TNC: variants seen among roughly 807,000 people sequenced by gnomAD.
TNC encodes tenascin.
TNC carries 109 observed loss-of-function variants against 202.4 expected under a neutral mutation model. The observed-to-expected ratio is 0.54, with a 90% CI of 0.46 to 0.63. The LOEUF (loss-of-function observed/expected upper bound fraction) is 0.63, where lower values mean the gene tolerates loss of function less well. Among genes scored for constraint, TNC ranks in the 30% least tolerant of loss-of-function variants. The pLI is 0.00. For missense variants in TNC, 2,756 were observed against 2,833.3 expected (o/e 0.97, Z 0.62); for synonymous variants, 1,007 against 1,089.7 (o/e 0.92, Z 1.50).
chr9:115,036,100 GT>G lies in TNC; in HGVS notation c.5653del (p.Thr1885GlnfsTer9), dbSNP rs1409076559. 1 of 1,614,050 alleles carries G rather than the reference GT, an allele frequency of 6.2e-7. No homozygotes were observed. The highest frequency in any genetic ancestry group is 8.5e-7 in the Non-Finnish European group (1 of 1,180,006). On this transcript the variant is annotated frameshift_variant, in exon 21 of 28. Transcript: ENST00000350763. LOFTEE classifies it high-confidence loss of function. Reference sequence around the variant, plus strand: ...TCCAGCTCTCAGTGTCTTTGTACCTGTTGTGAACTTGGCAGTGATGGTTGAG... The same window carrying G: ...TCCAGCTCTCAGTGTCTTTGTACCTGTGTGAACTTGGCAGTGATGGTTGAG... The part of the protein sequence containing the change: ...KSSTITAKFT[T>X]DLDSPRDLTA...
intron 15 of TNC, chr9:115,055,386 T>C (rs1832032545): frequency 6.6e-6 from 1 of 152,524 alleles, no homozygotes; most frequent in African/African-American, 2.4e-5. Context: ...TGGGAGCAAC[T>C]AGGAGGGTGA....
Position 115,085,857 on chromosome 9 carries a change from C to T in TNC, c.1867+7G>A. ...CATTATATGCTGGTCTGCGCCCTGG[C>T]ACTCACCCTCTGAGCAGTCTTCTCC... On this transcript the variant is annotated splice_region_variant and intron_variant, in intron 3 of 27. Coordinates refer to ENST00000350763, the MANE Select transcript of TNC (RefSeq NM_002160.4). 6.3e-7 allele frequency: 1 copy of T among 1,597,930 alleles called. No homozygotes were observed. The highest frequency in any genetic ancestry group is 1.7e-4 in the Middle Eastern group (1 of 6,006).
chr9:115,047,805 C>T (rs896972281), intron 16 of TNC, among the ~76,000 whole-genome samples: 1 of 152,128 alleles, frequency 6.6e-6, no homozygotes, highest in Non-Finnish European at 1.5e-5. Flanking sequence ...AAAATAAGTT[C>T]ACATTTGGTT....
intron 17 of TNC, among the ~76,000 whole-genome samples, chr9:115,043,113 A>G (rs988195966): frequency 4.6e-5 from 7 of 151,962 alleles, no homozygotes; most frequent in African/African-American, 1.5e-4. Context: ...TTCTCTGTGT[A>G]TTTTTTGGCT....
At position 115,086,708 on chromosome 9, in the gene TNC, G is replaced by A. The variant is rs139641638; in HGVS notation, c.1023C>T (p.Cys341=). 9.5e-5 allele frequency: 153 copies of A among 1,614,002 alleles called. No individual in the cohort carries two copies. In the East Asian group the frequency reaches 1.7e-3, roughly 18 times the overall value. Residue 341 remains cysteine (C), a synonymous_variant, in exon 3 of 28, where the codon TGC becomes TGT. Transcript: ENST00000350763. ...AGGCATGTGGGCAGGTGGGTTTCCC[G>A]CAGTCTTCACCTGTGAAGCCTTCTT... ...YCEEGFTGED[C]GKPTCPHACH...
At chr9:115,066,713 T>C (rs2132738201) in intron 10 of TNC, among the ~76,000 whole-genome samples, 1 of 152,324 alleles carries the variant, frequency 6.6e-6, no homozygotes, top group African/African-American at 2.4e-5. Flanking sequence ...CTTTTTTACA[T>C]GGTCGGGAAA....
At chr9:115,061,880 T>C (rs1348487491) in intron 13 of TNC, among the ~76,000 whole-genome samples, 5 of 152,208 alleles carry the variant, frequency 3.3e-5, no homozygotes, top group Non-Finnish European at 7.3e-5. Flanking sequence ...CTTCCCAAAT[T>C]GAATGAAAAG....
At chr9:115,034,111 A>T (rs545301870) in intron 22 of TNC, among the ~76,000 whole-genome samples, 5 of 152,218 alleles carry the variant, frequency 3.3e-5, no homozygotes, top group South Asian at 2.1e-4. Flanking sequence ...TTCAGATGGT[A>T]GGCTGAGGTT....
In TNC at chr9:115,024,088, T is replaced by A. The variant is rs1318296735; in HGVS notation, c.6380A>T (p.Lys2127Met). ...GTTGGTGATGGCTGAATCTGTGTCC[T>A]TGTCAAAGGTGGAGAAGGATCTGCC... ...HNGRSFSTFD[K>M]DTDSAITNCA... Residue 2127 changes from lysine (K) to methionine (M), a missense_variant, in exon 27 of 28, where the codon AAG becomes ATG. Lys to Met is a moderately conservative substitution (Grantham distance 95, BLOSUM62 -1). Transcript: ENST00000350763. The A allele has an allele frequency of 6.2e-7, 1 of 1,613,994 alleles. No individual in the cohort carries two copies. Among genetic ancestry groups the A allele is most frequent in the East Asian group, 2.2e-5 (1 of 44,894 alleles).
rs562682904 is a variant in TNC, at chr9:115,024,274, A to G, written c.6332-138T>C. The G allele has an allele frequency of 2.0e-4, 167 of 822,566 alleles. No homozygotes were observed. In the African/African-American group the frequency reaches 2.5e-3, roughly 12 times the overall value. 51.0% of individuals were successfully genotyped at this position (822,566 alleles called of 1,614,324 possible). On this transcript the variant is annotated intron_variant, in intron 26 of 27. Coordinates refer to ENST00000350763, the MANE Select transcript of TNC (RefSeq NM_002160.4). ...CTTGAACATTGATCCCAGAGTCAGC[A>G]TTGAATGCGGAACTGAATGGGACAT...
At chr9:115,068,076 A>G (rs905639737) in intron 10 of TNC, among the ~76,000 whole-genome samples, 1 of 152,208 alleles carries the variant, frequency 6.6e-6, no homozygotes, top group African/African-American at 2.4e-5. Flanking sequence ...AATACAGTGG[A>G]CAATAGTTGA....
chr9:115,088,967 GTTTC>G (rs1246559559), intron 2 of TNC, among the ~76,000 whole-genome samples: 3 of 152,040 alleles, frequency 2.0e-5, no homozygotes, highest in Non-Finnish European at 4.4e-5. Flanking sequence ...ATGTTTACTT[GTTTC>G]TTTCTCCTTT....
In TNC at chr9:115,091,145, G is replaced by A. The variant is rs1835200277; in HGVS notation, c.-127C>T. The A allele has an allele frequency of 1.4e-6, 1 of 736,442 alleles. No individual in the cohort carries two copies. The highest frequency in any genetic ancestry group is 1.9e-5 in the South Asian group (1 of 52,834). 45.6% of individuals were successfully genotyped at this position (736,442 alleles called of 1,614,324 possible). ...TCAGTTGTCCCTGATCTTCTTGAAA[G>A]AATTATTTTCTACAAGCAAAGATGA... is the stretch of plus-strand genomic sequence containing the variant. On this transcript the variant is annotated 5_prime_UTR_variant, in exon 2 of 28. Transcript: ENST00000350763.
At chr9:115,082,261 A>G (rs1834360920) in intron 5 of TNC, among the ~76,000 whole-genome samples, 1 of 152,208 alleles carries the variant, frequency 6.6e-6, no homozygotes, top group Non-Finnish European at 1.5e-5. Context: ...ATTGTTGGAT[A>G]GTCACACAGC....
Position 115,046,569 on chromosome 9 carries a change from C to T in TNC, c.4966G>A (p.Asp1656Asn), listed in dbSNP as rs771928825. ...AGTGGCTCAGACTGCTTTTTGGTAT[C>T]TCTGATTTTGAGAACAAAATTGTCG... ...VFDNFVLKIR[D>N]TKKQSEPLEI... is the part of the protein sequence containing the mutation. Residue 1656 changes from aspartate to asparagine, a missense_variant, in exon 17 of 28, where the codon GAT becomes AAT. By Grantham distance (23) the Asp-to-Asn change is conservative. Coordinates refer to ENST00000350763, the MANE Select transcript of TNC (RefSeq NM_002160.4). 1 of 1,614,068 alleles carries T rather than the reference C, an allele frequency of 6.2e-7. No homozygotes were observed. Among genetic ancestry groups the T allele is most frequent in the South Asian group, 1.1e-5 (1 of 91,076 alleles).
At chr9:115,080,508 C>A (rs148814748) in intron 6 of TNC, among the ~76,000 whole-genome samples, 3 of 152,276 alleles carry the variant, frequency 2.0e-5, no homozygotes, top group African/African-American at 7.2e-5. Flanking sequence ...TTTCCAACAA[C>A]CCCCTGCCAA....
chr9:115,045,336 A>G (rs1056866545), intron 17 of TNC, among the ~76,000 whole-genome samples: 2 of 152,070 alleles, frequency 1.3e-5, no homozygotes, highest in African/African-American at 4.8e-5. Flanking sequence ...TAGTATTATT[A>G]TTATTACAAA....
intron 22 of TNC, among the ~76,000 whole-genome samples, chr9:115,034,313 G>A (rs1830158631): frequency 6.6e-6 from 1 of 152,238 alleles, no homozygotes; most frequent in East Asian, 1.9e-4. Flanking sequence ...CAATCATTCT[G>A]CAGGGAGCCA....
intron 23 of TNC, among the ~76,000 whole-genome samples, chr9:115,030,985 C>T (rs1289458204): frequency 6.6e-6 from 1 of 152,164 alleles, no homozygotes; most frequent in Non-Finnish European, 1.5e-5. Flanking sequence ...TTGAACAGGT[C>T]ATTTAGTCTC....
Sources: gnomAD v4.1 joint callset for allele counts (sites outside exome capture counted in the v4.1 genomes callset) on GRCh38, gnomAD v4.1.1 for gene constraint, MANE v1.5 for transcripts, NCBI Gene and HGNC (gene_info 2026-07-23, HGNC 2026-07-21) for gene names.